Variants in SNRPN observed in about 807,000 individuals in gnomAD.
The protein encoded by SNRPN is small nuclear ribonucleoprotein-associated protein N.
Under a neutral mutation model 25.2 loss-of-function variants are expected in SNRPN, and 7 were observed. The observed-to-expected ratio is 0.28, with a 90% confidence interval of 0.16 to 0.52. The LOEUF (loss-of-function observed/expected upper bound fraction) is 0.52, where lower values mean the gene tolerates loss of function less well. SNRPN is among the 20% of genes least tolerant of loss of function. The pLI is 0.96. For synonymous variants in SNRPN, 124 were observed against 110.6 expected, an observed-to-expected ratio of 1.12 and a Z score of -0.76; for missense variants, 196 against 322.5, an observed-to-expected ratio of 0.61 and a Z score of 3.00.
At chr15:24,976,817 A>G in intron 6 of SNRPN, 60 bp from the exon 7 acceptor site, 3 of 1,472,720 alleles carry the variant, frequency 2.0e-6, no homozygotes, top group Non-Finnish European at 1.9e-6. Flanking sequence ...TCTCTGATGA[A>G]TAAGAATACT....
chr15:24,877,848 GA>G (rs1031051623), intron 1 of SNRPN, among the ~76,000 whole-genome samples: 1 of 151,850 alleles, frequency 6.6e-6, no homozygotes, highest in African/African-American at 2.4e-5. Context: ...GTCTAAAAAA[GA>G]AAAAAAATGC....
intron 1 of SNRPN, among the ~76,000 whole-genome samples, chr15:24,870,745 C>T (rs1300091856): frequency 1.3e-5 from 2 of 151,790 alleles, no homozygotes; most frequent in East Asian, 1.9e-4. Flanking sequence ...TTATATCATA[C>T]ATTTCTTATT....
chr15:24,843,788 A>AACACACACACAC (rs56693061), intron 2 of SNRPN, among the ~76,000 whole-genome samples: 17,326 of 139,666 alleles, frequency 0.12, 1,271 homozygotes, highest in Non-Finnish European at 0.15. Context: ...CTCCATCACA[A>AACACACACACAC]ACACACACAC....
intron 1 of SNRPN, among the ~76,000 whole-genome samples, chr15:24,824,542 A>G (rs539019085): frequency 1.3e-5 from 2 of 152,266 alleles, no homozygotes; most frequent in East Asian, 3.9e-4. Context: ...CACTCAGGAA[A>G]TGTCATACAT....
At chr15:24,922,040 A>G (rs1344546783) in intron 3 of SNRPN, among the ~76,000 whole-genome samples, 1 of 78,092 alleles carries the variant, frequency 1.3e-5, no homozygotes, top group Non-Finnish European at 2.5e-5. Context: ...TCTCTACTAA[A>G]AAAAAAAAAA....
upstream of SNRPN, among the ~76,000 whole-genome samples, chr15:24,852,606 T>C (rs549518003): frequency 6.6e-5 from 10 of 152,336 alleles, no homozygotes; most frequent in East Asian, 1.7e-3. Flanking sequence ...AAAAACAGAA[T>C]AACATATTAG....
rs1339783776 is a variant in SNRPN at position 24,889,417 on chromosome 15, C to T, written c.-505+2828C>T. 3.9e-5 allele frequency among the ~76,000 whole-genome samples: 6 copies of T among 152,200 alleles called. No homozygotes were observed. The South Asian group carries it at 8.3e-4, about 21-fold the overall frequency. ...TCCCGGGTTCAGGCCATTCTCTTGC[C>T]TCAGCCTCCTGAGTAGCTGGGACTA... On this transcript the variant is annotated intron_variant, in intron 2 of 11. Transcript: ENST00000400097.
chr15:24,889,208 G>A (rs561491260), intron 2 of SNRPN, among the ~76,000 whole-genome samples: 9 of 152,162 alleles, frequency 5.9e-5, no homozygotes, highest in Admixed American at 2.6e-4. Context: ...GTGAGCCACC[G>A]TGCCCAGCTG....
chr15:24,835,111 A>ATG lies in SNRPN; in HGVS notation c.-579+5207_-579+5208insGT, dbSNP rs2051021648. On this transcript the variant is annotated intron_variant, in intron 2 of 12. Coordinates refer to the SNRPN transcript ENST00000400100. The stretch of plus-strand genomic sequence containing the variant: ...TAAAATATATAGATATATATACTAT[A>ATG]TATCTATATATAAAATATATAGATA... Among the ~76,000 whole-genome samples the ATG allele has an allele frequency of 1.5e-4, 10 of 66,394 alleles. 1 individual carries two copies. Among genetic ancestry groups the ATG allele is most frequent in the Non-Finnish European group, 3.1e-4 (10 of 31,898 alleles). 43.6% of individuals were successfully genotyped at this position (66,394 alleles called of 152,430 possible). A position where few individuals can be genotyped will look rare whatever the true frequency, so the allele number is the denominator to read the frequency against.
chr15:24,916,230 G>C (rs2059513082), intron 2 of SNRPN, among the ~76,000 whole-genome samples: 1 of 152,078 alleles, frequency 6.6e-6, no homozygotes, highest in Non-Finnish European at 1.5e-5. Flanking sequence ...AAAGTGCTGG[G>C]ATTACAGGCG....
intron 2 of SNRPN, among the ~76,000 whole-genome samples, chr15:24,891,085 A>G (rs2057629740): frequency 6.6e-6 from 1 of 151,928 alleles, no homozygotes; most frequent in African/African-American, 2.4e-5. Flanking sequence ...TAATGTTTGT[A>G]TTTTTAGTAG....
At chr15:24,870,013 G>A (rs12592134) in intron 1 of SNRPN, among the ~76,000 whole-genome samples, 32,101 of 151,978 alleles carry the variant, frequency 0.21, 3,761 homozygotes, top group East Asian at 0.36. Flanking sequence ...TTCATAGCTC[G>A]AATTGTTCCA....
chr15:24,870,786 T>C (rs1034552593), intron 1 of SNRPN, among the ~76,000 whole-genome samples: 1 of 151,950 alleles, frequency 6.6e-6, no homozygotes, highest in Admixed American at 6.6e-5. Context: ...TATTCCTCTA[T>C]GGGATCCCTC....
At chr15:24,894,217 C>CTT (rs34191566) in intron 2 of SNRPN, among the ~76,000 whole-genome samples, 21 of 144,960 alleles carry the variant, frequency 1.4e-4, no homozygotes, top group East Asian at 4.1e-4. Flanking sequence ...AAGCCAAATT[C>CTT]TTTTTTTTTT....
In SNRPN at chr15:24,912,430, A is replaced by T. The variant is rs191219045; in HGVS notation, c.-504-7581A>T. 1.2e-4 allele frequency: 19 copies of T among 152,296 alleles called. No individual in the cohort carries two copies. In the East Asian group the frequency reaches 3.5e-3, roughly 28 times the overall value. The allele number at this position is 152,296 out of a possible 1,614,324, so 9.4% of individuals were successfully genotyped here. On this transcript the variant is annotated intron_variant, in intron 2 of 11. Coordinates refer to the SNRPN transcript ENST00000400097. Reference sequence around the variant, plus strand: ...TGAGCATCACCTATATCTGATTTAGATGATATTTACATGCGACTTTCGACT... The same window carrying T: ...TGAGCATCACCTATATCTGATTTAGTTGATATTTACATGCGACTTTCGACT...
At chr15:24,849,194 G>A (rs1268891508) in intron 2 of SNRPN, 2 of 152,346 alleles carry the variant, frequency 1.3e-5, no homozygotes, top group African/African-American at 4.8e-5. Flanking sequence ...GCCTCCCAAA[G>A]TGCTGGGATT....
rs1432537847 is a variant in SNRPN at position 24,927,633 on chromosome 15, A to G, written c.-391+7509A>G. Among the ~76,000 whole-genome samples the G allele has an allele frequency of 2.6e-5, 4 of 151,870 alleles. No homozygotes were observed. The East Asian group carries it at 7.7e-4, about 29-fold the overall frequency. ...AAGATATTAATTCAGGAAATATAAC[A>G]TTTATACAATTATTTTATCTAATCT... is the stretch of plus-strand genomic sequence containing the variant. On this transcript the variant is annotated intron_variant, in intron 3 of 11. Transcript: ENST00000400097.
intron 1 of SNRPN, among the ~76,000 whole-genome samples, chr15:24,885,607 C>G (rs930924431): frequency 6.6e-6 from 1 of 152,096 alleles, no homozygotes; most frequent in Non-Finnish European, 1.5e-5. Context: ...TCCCACATCT[C>G]TGCAACATTG....
At chr15:24,895,217 C>A (rs2150985516) in intron 2 of SNRPN, among the ~76,000 whole-genome samples, 1 of 152,270 alleles carries the variant, frequency 6.6e-6, no homozygotes, top group Non-Finnish European at 1.5e-5. Flanking sequence ...CTTGCTTCAG[C>A]AGAAAGTCAA....
Sources: allele counts gnomAD v4.1 joint callset (sites outside exome capture counted in the v4.1 genomes callset), GRCh38; gene constraint gnomAD v4.1.1; transcripts MANE v1.5; gene names NCBI Gene and HGNC (gene_info 2026-07-23, HGNC 2026-07-21).